Variants in LAMP5 observed in about 807,000 individuals in gnomAD.
LAMP5 encodes the protein lysosome-associated membrane glycoprotein 5.
LAMP5 carries 36 observed loss-of-function variants against 30.2 expected under a neutral mutation model. That is an observed-to-expected ratio of 1.19 (90% CI 0.91 to 1.57). The LOEUF (loss-of-function observed/expected upper bound fraction) is 1.57. Ranked by LOEUF, LAMP5 falls within the 40% of genes most tolerant of loss-of-function variation. The pLI is 0.00. For synonymous variants in LAMP5, 149 were observed against 134.6 expected (o/e 1.11, Z -0.74); for missense variants, 377 against 354.9 (o/e 1.06, Z -0.50).
intron 5 of LAMP5, among the ~76,000 whole-genome samples, chr20:9,518,833 A>C (rs2122834366): frequency 6.6e-6 from 1 of 152,352 alleles, no homozygotes; most frequent in East Asian, 1.9e-4. Flanking sequence ...GTGCGTATGC[A>C]CAGATCATGG....
chr20:9,517,697 C>T (rs1318044509), intron 4 of LAMP5, among the ~76,000 whole-genome samples: 2 of 150,802 alleles, frequency 1.3e-5, no homozygotes, highest in Non-Finnish European at 3.0e-5. Context: ...TGGGCTCAAA[C>T]GATCCTCCCA....
Position 9,527,873 on chromosome 20 carries a change from C to T in LAMP5, c.665-1769C>T, listed in dbSNP as rs548434310. On this transcript the variant is annotated intron_variant, in intron 5 of 5. Transcript: ENST00000246070. Reference sequence around the variant, plus strand: ...TAGGAGGCTGAAAAATAAATCAACACTGAGGTGCTGCTAACATTTGTGTTC... The same window carrying T: ...TAGGAGGCTGAAAAATAAATCAACATTGAGGTGCTGCTAACATTTGTGTTC... 4.9e-4 allele frequency among the ~76,000 whole-genome samples: 74 copies of T among 152,270 alleles called. 2 individuals are homozygous for T. The highest frequency in any genetic ancestry group is 1.6e-3 in the African/African-American group (66 of 41,544).
Position 9,518,141 on chromosome 20 carries a change from A to G in LAMP5, c.577A>G (p.Ser193Gly), listed in dbSNP as rs1369241796. Residue 193 changes from serine (S) to glycine (G), a missense_variant, in exon 5 of 6, where the codon AGT becomes GGT. By Grantham distance (56) the Ser-to-Gly change is moderately conservative. Coordinates refer to ENST00000246070, the MANE Select transcript of LAMP5 (RefSeq NM_012261.4). Reference sequence around the variant, plus strand: ...TCAACAAACCATTTCACTGGCCTCTAGTGATCCGCAGAAGACGGTCACCAT... The same window carrying G: ...TCAACAAACCATTTCACTGGCCTCTGGTGATCCGCAGAAGACGGTCACCAT... The part of the protein sequence containing the change: ...QAQQTISLAS[S>G]DPQKTVTMIL... 2.5e-6 allele frequency: 4 copies of G among 1,614,172 alleles called. No individual in the cohort carries two copies. The highest frequency in any genetic ancestry group is 2.5e-6 in the Non-Finnish European group (3 of 1,179,996).
At chr20:9,524,695 A>T (rs973851359) in intron 5 of LAMP5, among the ~76,000 whole-genome samples, 1 of 152,076 alleles carries the variant, frequency 6.6e-6, no homozygotes, top group Admixed American at 6.6e-5. Flanking sequence ...TACAGTGCAC[A>T]ATTTATATAT....
intron 5 of LAMP5, among the ~76,000 whole-genome samples, chr20:9,528,064 A>AACAGATGTAT (rs1268481407): frequency 5.3e-5 from 8 of 152,318 alleles, no homozygotes; most frequent in African/African-American, 1.9e-4. Context: ...AGTGTCCATC[A>AACAGATGTAT]ACAGATGTAT....
At chr20:9,515,126 C>T (rs1483516141) in intron 1 of LAMP5, 1 of 607,784 alleles carries the variant, frequency 1.6e-6, no homozygotes, top group African/African-American at 1.9e-5. Flanking sequence ...GTGGCATATT[C>T]CAGACAGAGC....
Position 9,529,939 on chromosome 20 carries a change from G to C in LAMP5, c.*119G>C, listed in dbSNP as rs1369835438. On this transcript the variant is annotated 3_prime_UTR_variant, in exon 6 of 6. Coordinates refer to ENST00000246070, the MANE Select transcript of LAMP5 (RefSeq NM_012261.4). ...AACATAGCTACAATCAAACAGGCCTGGGTATCTGAGGCTTGCTTGGCTTGT... is the reference window on the plus strand; with the variant it reads ...AACATAGCTACAATCAAACAGGCCTCGGTATCTGAGGCTTGCTTGGCTTGT... The C allele has an allele frequency of 3.0e-6, 3 of 992,246 alleles. No individual in the cohort carries two copies. The African/African-American group carries it at 4.8e-5, about 16-fold the overall frequency. The allele number at this position is 992,246 out of a possible 1,614,324, so 61.5% of individuals were successfully genotyped here.
chr20:9,526,871 TATATATATATATATATATATA>T (rs933697563), intron 5 of LAMP5, among the ~76,000 whole-genome samples: 3 of 99,310 alleles, frequency 3.0e-5, no homozygotes, highest in African/African-American at 1.4e-4. Context: ...TATATATATA[TATATATATATATATATATATA>T]TATATATATA....
intron 5 of LAMP5, among the ~76,000 whole-genome samples, chr20:9,519,984 A>G (rs1218418962): frequency 6.6e-6 from 1 of 152,240 alleles, no homozygotes; most frequent in Non-Finnish European, 1.5e-5. Context: ...AGTACTGAAT[A>G]AGGAGCAGAG....
chr20:9,516,166 G>A, intron 3 of LAMP5, 35 bp downstream of exon 3: 1 of 1,589,396 alleles, frequency 6.3e-7, no homozygotes, highest in Non-Finnish European at 8.6e-7. Flanking sequence ...GGGGCCGCAG[G>A]CTCCGCGTGG....
chr20:9,529,751 C>T lies in LAMP5; in HGVS notation c.774C>T (p.Val258=), dbSNP rs1298897354. ...TGGTAACACTCGCGATTTACCACGT[C>T]CACCACAAAATGACTGCCAACCAGG... ...VIMVTLAIYH[V]HHKMTANQVQ... The change falls in exon 6 of 6, where the codon GTC becomes GTT. Residue 258 remains valine (V), a synonymous_variant. Coordinates refer to ENST00000246070, the MANE Select transcript of LAMP5 (RefSeq NM_012261.4). 4 of 1,614,110 alleles carry T rather than the reference C, an allele frequency of 2.5e-6. No individual in the cohort carries two copies. In the African/African-American group the frequency reaches 5.3e-5, roughly 22 times the overall value.
intron 5 of LAMP5, 100 bp from the exon 6 acceptor site, chr20:9,529,542 T>G: frequency 3.2e-6 from 4 of 1,249,746 alleles, no homozygotes; most frequent in African/African-American, 1.5e-5. Context: ...AAAGCTTCCT[T>G]GAGAAATCTT....
chr20:9,520,268 G>A (rs756304050), intron 5 of LAMP5, among the ~76,000 whole-genome samples: 1 of 152,266 alleles, frequency 6.6e-6, no homozygotes, highest in African/African-American at 2.4e-5. Flanking sequence ...GAGGTGGCAA[G>A]CCTCATTCAG....
At chr20:9,522,609 C>A (rs1001411597) in intron 5 of LAMP5, among the ~76,000 whole-genome samples, 4 of 152,218 alleles carry the variant, frequency 2.6e-5, no homozygotes, top group Non-Finnish European at 5.9e-5. Context: ...CGGATACTGT[C>A]CTCTGGAGAG....
At chr20:9,520,242 G>C (rs559785020) in intron 5 of LAMP5, among the ~76,000 whole-genome samples, 1 of 152,212 alleles carries the variant, frequency 6.6e-6, no homozygotes, top group African/African-American at 2.4e-5. Flanking sequence ...CCAGGCTTAC[G>C]CCTTGACATT....
At chr20:9,529,122 G>A (rs2045133262) in intron 5 of LAMP5, among the ~76,000 whole-genome samples, 3 of 152,086 alleles carry the variant, frequency 2.0e-5, no homozygotes. Flanking sequence ...CCTAAGAATG[G>A]GATGCTGGGT....
chr20:9,515,936 C>T (rs1166445453), intron 2 of LAMP5, 64 bp from the exon 3 acceptor site: 6 of 1,429,728 alleles, frequency 4.2e-6, no homozygotes, highest in Non-Finnish European at 5.5e-6. Flanking sequence ...GGACGCGCCG[C>T]CCTTTACAGC....
Position 9,518,898 on chromosome 20 carries a change from A to C in LAMP5, c.664+670A>C, listed in dbSNP as rs1342013732. Among the ~76,000 whole-genome samples, 3 of 96,330 alleles carry C rather than the reference A, an allele frequency of 3.1e-5. No homozygotes were observed. The East Asian group carries it at 9.4e-4, about 30-fold the overall frequency. 63.2% of individuals were successfully genotyped at this position (96,330 alleles called of 152,430 possible). A position where few individuals can be genotyped will look rare whatever the true frequency, so the allele number is the denominator to read the frequency against. On this transcript the variant is annotated intron_variant, in intron 5 of 5. Coordinates refer to ENST00000246070, the MANE Select transcript of LAMP5 (RefSeq NM_012261.4). ...CGTGAGGAGGATATCCTTAAGCTCC[A>C]GGGAGGGAAGGGTACCTGAAGGCTG...
chr20:9,514,617 GACCGCCGTGC>G lies in LAMP5; in HGVS notation c.-235_-226del, dbSNP rs1431847183. ...ATTGCTTTCAGCACTCGCAGCCGTG[GACCGCCGTGC>G]GGTCCTTTCCTCCGCAGTGAGCCGA... On this transcript the variant is annotated 5_prime_UTR_variant, in exon 1 of 6. Coordinates refer to ENST00000246070, the MANE Select transcript of LAMP5 (RefSeq NM_012261.4). The G allele has an allele frequency of 3.6e-6, 2 of 548,734 alleles. No homozygotes were observed. Among genetic ancestry groups the G allele is most frequent in the Non-Finnish European group, 6.5e-6 (2 of 308,654 alleles). The allele number at this position is 548,734 out of a possible 1,614,324, so 34.0% of individuals were successfully genotyped here.
Sources: allele counts gnomAD v4.1 joint callset (sites outside exome capture counted in the v4.1 genomes callset), GRCh38; gene constraint gnomAD v4.1.1; transcripts MANE v1.5; gene names NCBI Gene and HGNC (gene_info 2026-07-23, HGNC 2026-07-21).